Variants in SNRPN observed in about 807,000 individuals in gnomAD.
The protein encoded by SNRPN is small nuclear ribonucleoprotein-associated protein N.
Under a neutral mutation model 25.2 loss-of-function variants are expected in SNRPN, and 7 were observed. That is an observed-to-expected ratio of 0.28 (90% CI 0.16 to 0.52). The LOEUF (loss-of-function observed/expected upper bound fraction) is 0.52, where lower values mean the gene tolerates loss of function less well. Among genes scored for constraint, SNRPN ranks in the 20% least tolerant of loss-of-function variants. The pLI is 0.96. For synonymous variants in SNRPN, 124 were observed against 110.6 expected (o/e 1.12, Z -0.76); for missense variants, 196 against 322.5 (o/e 0.61, Z 3.00).
At chr15:24,891,870 T>A (rs373981706) in intron 2 of SNRPN, among the ~76,000 whole-genome samples, 1 of 152,216 alleles carries the variant, frequency 6.6e-6, no homozygotes, top group African/African-American at 2.4e-5. Flanking sequence ...CATTCTAAAA[T>A]CTTAGCCATG....
chr15:24,902,638 CTGGT>C (rs751102346), intron 2 of SNRPN, among the ~76,000 whole-genome samples: 117 of 152,274 alleles, frequency 7.7e-4, no homozygotes, highest in Non-Finnish European at 1.5e-3. Context: ...TTTCTTCCTT[CTGGT>C]GGGTTCGTGG....
chr15:24,858,898 G>A (rs1274779475), intron 1 of SNRPN, among the ~76,000 whole-genome samples: 2 of 148,500 alleles, frequency 1.3e-5, no homozygotes, highest in African/African-American at 5.0e-5. Context: ...TTTTCTTTCT[G>A]CCTTTGTTGC....
At chr15:24,848,234 G>GGGCGGC (rs1555379834) in intron 2 of SNRPN, 16 of 125,518 alleles carry the variant, frequency 1.3e-4, no homozygotes, top group African/African-American at 4.3e-4. Context: ...GCGGCGGTGG[G>GGGCGGC]GGCGGGGGCG....
upstream of SNRPN, among the ~76,000 whole-genome samples, chr15:24,853,012 A>G (rs1414180343): frequency 3.9e-5 from 6 of 152,204 alleles, no homozygotes; most frequent in Admixed American, 2.6e-4. Flanking sequence ...GGGAATTCCA[A>G]ATATATTGCT....
At chr15:24,907,865 C>T (rs2058934517) in intron 2 of SNRPN, among the ~76,000 whole-genome samples, 1 of 151,716 alleles carries the variant, frequency 6.6e-6, no homozygotes, top group Admixed American at 6.6e-5. Flanking sequence ...CCAGCCTGTC[C>T]AACACAGTGA....
At chr15:24,838,121 A>G (rs1311226106) in intron 2 of SNRPN, among the ~76,000 whole-genome samples, 11 of 144,718 alleles carry the variant, frequency 7.6e-5, no homozygotes, top group Admixed American at 7.0e-4. Flanking sequence ...TGCAAGCTCC[A>G]CCTCCCTGGT....
intron 2 of SNRPN, among the ~76,000 whole-genome samples, chr15:24,894,617 C>G (rs1342464972): frequency 1.3e-5 from 2 of 152,190 alleles, no homozygotes; most frequent in Non-Finnish European, 2.9e-5. Flanking sequence ...ACCACAAAAT[C>G]AAGCTACAGT....
At chr15:24,968,232 G>T in intron 3 of SNRPN, 150 bp downstream of exon 3, 1 of 573,362 alleles carries the variant, frequency 1.7e-6, no homozygotes, top group Non-Finnish European at 3.1e-6. Context: ...AGTTTTGCAG[G>T]ACCTTAAATT....
rs180845873 is a variant in SNRPN, at chr15:24,918,907, A to G, written c.-504-1104A>G. The stretch of plus-strand genomic sequence containing the variant: ...TATATAACATAATATATATATGTGC[A>G]CATATATATAACATAATATATATAT... On this transcript the variant is annotated intron_variant, in intron 2 of 11. Coordinates refer to the SNRPN transcript ENST00000400097. Among the ~76,000 whole-genome samples, 33 of 79,086 alleles carry G rather than the reference A, an allele frequency of 4.2e-4. 4 individuals are homozygous for G. Among genetic ancestry groups the G allele is most frequent in the Admixed American group, 9.0e-4 (5 of 5,564 alleles). The allele number at this position is 79,086 out of a possible 152,430, so 51.9% of individuals were successfully genotyped here.
At chr15:24,961,723 A>AT (rs946538704) in intron 1 of SNRPN, among the ~76,000 whole-genome samples, 1 of 152,094 alleles carries the variant, frequency 6.6e-6, no homozygotes, top group Non-Finnish European at 1.5e-5. Flanking sequence ...TCCTAAAAAT[A>AT]TTTTTTGAAA....
At chr15:24,974,717 A>T in intron 4 of SNRPN, 1 of 607,372 alleles carries the variant, frequency 1.6e-6, no homozygotes, top group Non-Finnish European at 2.9e-6. Context: ...GGTTCAAGAG[A>T]TTCTCGTGCC....
chr15:24,887,511 T>C (rs2057300191), intron 2 of SNRPN, among the ~76,000 whole-genome samples: 2 of 151,878 alleles, frequency 1.3e-5, no homozygotes, highest in African/African-American at 4.8e-5. Context: ...CCATGTATTA[T>C]AATAGGTTTG....
Position 24,973,131 on chromosome 15 carries a change from C to T in SNRPN, c.-143-1180C>T, listed in dbSNP as rs552561106. 5.2e-3 allele frequency among the ~76,000 whole-genome samples: 787 copies of T among 152,188 alleles called. 5 individuals are homozygous for T. The highest frequency in any genetic ancestry group is 0.018 in the African/African-American group (740 of 41,542). On this transcript the variant is annotated intron_variant, in intron 3 of 9. Coordinates refer to ENST00000390687, the MANE Select transcript of SNRPN (RefSeq NM_003097.6). ...CTTGAATTCTTGACCTCAGGTGATC[C>T]GCCCACCTCGGTTTCCCAAAGTGTT...
chr15:24,836,059 C>T (rs1023523457), intron 2 of SNRPN, among the ~76,000 whole-genome samples: 3 of 152,094 alleles, frequency 2.0e-5, no homozygotes, highest in African/African-American at 4.8e-5. Context: ...GAGGCTATAA[C>T]GTTCTAGAGG....
chr15:24,967,880 T>C, intron 2 of SNRPN, 52 bp from the exon 3 acceptor site: 1 of 1,452,812 alleles, frequency 6.9e-7, no homozygotes, highest in Non-Finnish European at 9.6e-7. Context: ...TATGGTTTCC[T>C]ATAAAGACAA....
At chr15:24,843,636 A>AATTCTCC (rs1241974778) in intron 2 of SNRPN, among the ~76,000 whole-genome samples, 3 of 151,950 alleles carry the variant, frequency 2.0e-5, no homozygotes, top group Non-Finnish European at 4.4e-5. Context: ...TACAAAAGAA[A>AATTCTCC]ATTCTCCAGG....
At chr15:24,955,603 T>TGG (rs372025670) in intron 1 of SNRPN, among the ~76,000 whole-genome samples, 1 of 87,464 alleles carries the variant, frequency 1.1e-5, no homozygotes, top group African/African-American at 4.6e-5. Context: ...GTGGGGCGAC[T>TGG]GGGGGGGGAA....
chr15:24,850,187 CAATG>C (rs1186903370), intron 2 of SNRPN: 1 of 152,178 alleles, frequency 6.6e-6, no homozygotes, highest in East Asian at 1.9e-4. Context: ...CAAGTGCAAA[CAATG>C]AAAGCCATGT....
chr15:24,955,359 C>T (rs534918948), intron 1 of SNRPN, among the ~76,000 whole-genome samples: 2 of 151,924 alleles, frequency 1.3e-5, no homozygotes, highest in African/African-American at 4.8e-5. Context: ...TGACTGGGAG[C>T]ATGCGGGGTA....
Sources: gnomAD v4.1 joint callset for allele counts (sites outside exome capture counted in the v4.1 genomes callset) on GRCh38, gnomAD v4.1.1 for gene constraint, MANE v1.5 for transcripts, NCBI Gene and HGNC (gene_info 2026-07-23, HGNC 2026-07-21) for gene names.